AHI1: variants seen among roughly 807,000 people sequenced by gnomAD.
AHI1 encodes Abelson helper integration site 1.
In AHI1, 123 loss-of-function variants were observed where a neutral mutation model predicts 149.3. The observed-to-expected ratio is 0.82, with a 90% confidence interval of 0.71 to 0.96. The LOEUF (loss-of-function observed/expected upper bound fraction) is 0.96, where lower values mean the gene tolerates loss of function less well. Ranked by LOEUF, AHI1 falls within the 40% of genes least tolerant of loss-of-function variation. AHI1 has a pLI of 0.00. For synonymous variants in AHI1, 475 were observed against 459.8 expected (o/e 1.03, Z -0.42); for missense variants, 1,439 against 1,422.7 (o/e 1.01, Z -0.18).
rs376571444 is a variant in AHI1 at position 135,431,226 on chromosome 6, G to C, written c.2355C>G (p.His785Gln). The change falls in exon 17 of 29, where the codon CAC becomes CAG. Residue 785 changes from histidine to glutamine, a missense_variant. Coordinates refer to ENST00000265602, the MANE Select transcript of AHI1 (RefSeq NM_001134831.2). ...TTTATACCTTATTTATAGTCCAGTG[G>C]TGCACTGAATGTTCCAAATCATTAA... ...VKINDLEHSV[H>Q]HWTINKEIKE... The C allele has an allele frequency of 6.3e-7, 1 of 1,597,262 alleles. No homozygotes were observed. Among genetic ancestry groups the C allele is most frequent in the African/African-American group, 1.3e-5 (1 of 74,502 alleles).
intron 22 of AHI1, among the ~76,000 whole-genome samples, chr6:135,404,635 T>C (rs1039901190): frequency 1.3e-5 from 2 of 152,246 alleles, no homozygotes; most frequent in African/African-American, 4.8e-5. Context: ...TATTGACCGG[T>C]GTCTTATACA....
intron 23 of AHI1, among the ~76,000 whole-genome samples, chr6:135,369,655 T>C (rs1774737343): frequency 6.6e-6 from 1 of 152,220 alleles, no homozygotes; most frequent in African/African-American, 2.4e-5. Context: ...TGACTCTTTC[T>C]TCTTCCCATG....
chr6:135,392,380 C>A (rs537278575), intron 23 of AHI1, among the ~76,000 whole-genome samples: 4 of 152,164 alleles, frequency 2.6e-5, no homozygotes, highest in Admixed American at 2.6e-4. Flanking sequence ...ATAAAAGTTA[C>A]AACAGAACAT....
At chr6:135,473,902 ATTT>A (rs997125896) in intron 5 of AHI1, among the ~76,000 whole-genome samples, 1 of 152,008 alleles carries the variant, frequency 6.6e-6, no homozygotes, top group Non-Finnish European at 1.5e-5. Context: ...TCAACGTATG[ATTT>A]TTTTTACTTT....
chr6:135,358,217 G>GT (rs879400525), intron 23 of AHI1, 30 bp from the exon 24 acceptor site: 2 of 1,582,908 alleles, frequency 1.3e-6, no homozygotes, highest in African/African-American at 1.4e-5. Flanking sequence ...TGAGTATTTG[G>GT]TTATTAAGCC....
chr6:135,435,006 G>T (rs1331588704), intron 15 of AHI1, among the ~76,000 whole-genome samples: 1 of 152,122 alleles, frequency 6.6e-6, no homozygotes, highest in Non-Finnish European at 1.5e-5. Context: ...GAAATACTTA[G>T]GAGACACTAA....
rs758481039 is a variant in AHI1, at chr6:135,465,911, A to G, written c.652T>C (p.Tyr218His). ...TGGAATAAAGTATCTGAGGGAAAGT[A>G]AGTCAACTGTTCTTTCAGTTTCTTT... is the stretch of plus-strand genomic sequence containing the variant. The part of the protein sequence containing the change: ...IRKKLKEQLT[Y>H]FPSDTLFHDD... Residue 218 changes from tyrosine to histidine, a missense_variant, in exon 7 of 29, where the codon TAC becomes CAC. Coordinates refer to ENST00000265602, the MANE Select transcript of AHI1 (RefSeq NM_001134831.2). 6 of 1,596,420 alleles carry G rather than the reference A, an allele frequency of 3.8e-6. No individual in the cohort carries two copies. The Admixed American group carries it at 1.0e-4, about 28-fold the overall frequency.
intron 5 of AHI1, among the ~76,000 whole-genome samples, chr6:135,481,309 TA>T (rs1326719372): frequency 6.6e-6 from 1 of 152,258 alleles, no homozygotes; most frequent in African/African-American, 2.4e-5. Context: ...AGACAGTTGT[TA>T]AATCATTTAC....
chr6:135,289,064 C>T (rs1782022958), intron 28 of AHI1, among the ~76,000 whole-genome samples: 1 of 151,190 alleles, frequency 6.6e-6, no homozygotes. Context: ...AAACATTTTT[C>T]ATATGTCTGT....
chr6:135,414,517 T>C (rs2127982248), intron 20 of AHI1, among the ~76,000 whole-genome samples: 1 of 152,180 alleles, frequency 6.6e-6, no homozygotes, highest in African/African-American at 2.4e-5. Flanking sequence ...TGGGGGGAAA[T>C]ACCTGCAAAT....
chr6:135,454,733 C>T lies in AHI1; in HGVS notation c.1344+1001G>A, dbSNP rs527599652. 1.1e-4 allele frequency among the ~76,000 whole-genome samples: 16 copies of T among 152,236 alleles called. No homozygotes were observed. The South Asian group carries it at 1.5e-3, about 14-fold the overall frequency. ...ATCTATCCTTCTTCATCTCTTAATA[C>T]TAAAATGAATACAGAAGAAAATTGT... On this transcript the variant is annotated intron_variant, in intron 10 of 28. Coordinates refer to ENST00000265602, the MANE Select transcript of AHI1 (RefSeq NM_001134831.2).
At chr6:135,298,715 T>C (rs1783474473) in intron 27 of AHI1, among the ~76,000 whole-genome samples, 1 of 152,210 alleles carries the variant, frequency 6.6e-6, no homozygotes. Context: ...AATTTTTATT[T>C]TCAGAAGCAT....
Position 135,404,993 on chromosome 6 carries a change from TA to T in AHI1, c.2962-17del. 1.3e-6 allele frequency: 2 copies of T among 1,594,110 alleles called. No homozygotes were observed. Among genetic ancestry groups the T allele is most frequent in the Non-Finnish European group, 1.7e-6 (2 of 1,164,026 alleles). ...GTATCACCTCCTAAAAGAAATACAA[TA>T]AAATAAGGAAGTATTCATAATTTCA... On this transcript the variant is annotated splice_polypyrimidine_tract_variant and intron_variant, in intron 21 of 28. Coordinates refer to ENST00000265602, the MANE Select transcript of AHI1 (RefSeq NM_001134831.2).
At chr6:135,352,700 T>C (rs1478885202) in intron 24 of AHI1, among the ~76,000 whole-genome samples, 3 of 135,262 alleles carry the variant, frequency 2.2e-5, no homozygotes, top group Non-Finnish European at 4.5e-5. Flanking sequence ...ACATTGTGTG[T>C]GTATATATAT....
chr6:135,457,445 T>G, intron 9 of AHI1, 49 bp downstream of exon 9: 1 of 1,414,198 alleles, frequency 7.1e-7, no homozygotes, highest in Non-Finnish European at 9.8e-7. Context: ...AAAAAAGACT[T>G]CTACTAGTTT....
chr6:135,394,166 T>C (rs996532918), intron 23 of AHI1, among the ~76,000 whole-genome samples: 2 of 152,034 alleles, frequency 1.3e-5, no homozygotes, highest in Admixed American at 1.3e-4. Flanking sequence ...CAAAAACATA[T>C]AGCTAATGAA....
At chr6:135,362,854 C>A (rs1052631022) in intron 23 of AHI1, among the ~76,000 whole-genome samples, 1 of 151,952 alleles carries the variant, frequency 6.6e-6, no homozygotes, top group Non-Finnish European at 1.5e-5. Flanking sequence ...TGTGCAGAAG[C>A]CTTTTAGTTT....
intron 24 of AHI1, among the ~76,000 whole-genome samples, chr6:135,331,593 T>A (rs979189387): frequency 2.4e-4 from 36 of 152,210 alleles, no homozygotes; most frequent in Non-Finnish European, 5.9e-5. Context: ...GAAACCAGTG[T>A]ACTGAGGGAA....
intron 24 of AHI1, among the ~76,000 whole-genome samples, chr6:135,342,018 A>C (rs1173388516): frequency 6.6e-6 from 1 of 151,970 alleles, no homozygotes; most frequent in African/African-American, 2.4e-5. Context: ...GTTCTTCGAA[A>C]GATCAAGAAA....
Sources: gnomAD v4.1 joint callset for allele counts (sites outside exome capture counted in the v4.1 genomes callset) on GRCh38, gnomAD v4.1.1 for gene constraint, MANE v1.5 for transcripts, NCBI Gene and HGNC (gene_info 2026-07-23, HGNC 2026-07-21) for gene names.